CHST9: variants seen among roughly 807,000 people sequenced by gnomAD.
CHST9 encodes GalNAc-4-sulfotransferase 2.
CHST9 carries 41 observed loss-of-function variants against 44.4 expected under a neutral mutation model. That is an observed-to-expected ratio of 0.92 (90% CI 0.72 to 1.20). The LOEUF is 1.20. Among genes scored for constraint, CHST9 ranks in the 50% most tolerant of loss-of-function variants. The pLI, the probability that CHST9 is intolerant of heterozygous loss-of-function variation, is 0.00. For missense variants in CHST9, 504 were observed against 516.5 expected (o/e 0.98, Z 0.23); for synonymous variants, 171 against 178.4 (o/e 0.96, Z 0.33).
At chr18:27,056,217 C>A (rs1007216104) in intron 2 of CHST9, among the ~76,000 whole-genome samples, 1 of 151,894 alleles carries the variant, frequency 6.6e-6, no homozygotes, top group Non-Finnish European at 1.5e-5. Context: ...TATTTAGTAC[C>A]TACTATGAGT....
chr18:26,944,852 T>A (rs1361441978), intron 4 of CHST9, among the ~76,000 whole-genome samples: 1 of 152,206 alleles, frequency 6.6e-6, no homozygotes, highest in East Asian at 1.9e-4. Context: ...AATATTATAC[T>A]TTGTTGTTAT....
At chr18:26,985,415 A>G (rs1235891254) in intron 4 of CHST9, among the ~76,000 whole-genome samples, 1 of 152,230 alleles carries the variant, frequency 6.6e-6, no homozygotes, top group East Asian at 1.9e-4. Context: ...GACACTGAAC[A>G]GCAGGAAAAG....
intron 2 of CHST9, among the ~76,000 whole-genome samples, chr18:27,071,644 T>C (rs1419887984): frequency 6.6e-6 from 1 of 152,206 alleles, no homozygotes. Context: ...AAAACTTTGT[T>C]GTTTCTTTTG....
intron 4 of CHST9, among the ~76,000 whole-genome samples, chr18:26,979,938 T>C (rs1339364342): frequency 6.6e-6 from 1 of 152,220 alleles, no homozygotes; most frequent in Non-Finnish European, 1.5e-5. Context: ...GTTTTTAAAC[T>C]TAAGATTCAT....
chr18:27,069,256 T>C (rs1023751778), intron 2 of CHST9, among the ~76,000 whole-genome samples: 1 of 152,294 alleles, frequency 6.6e-6, no homozygotes, highest in Non-Finnish European at 1.5e-5. Context: ...TTTCTTATCA[T>C]CCTATAATAA....
intron 4 of CHST9, among the ~76,000 whole-genome samples, chr18:26,952,880 T>A (rs1325459149): frequency 6.6e-6 from 1 of 152,074 alleles, no homozygotes; most frequent in African/African-American, 2.4e-5. Context: ...TGAGAAGTGT[T>A]TTCATAGAGT....
At chr18:27,122,671 A>G (rs374376165) in intron 2 of CHST9, among the ~76,000 whole-genome samples, 1 of 152,228 alleles carries the variant, frequency 6.6e-6, no homozygotes, top group African/African-American at 2.4e-5. Flanking sequence ...GAGCTGAAAG[A>G]GTGAAGGAGA....
At position 26,917,251 on chromosome 18, in the gene CHST9, A is replaced by C; in HGVS notation, c.340T>G (p.Ser114Ala). 1 of 1,613,812 alleles carries C rather than the reference A, an allele frequency of 6.2e-7. No homozygotes were observed. The highest frequency in any genetic ancestry group is 8.5e-7 in the Non-Finnish European group (1 of 1,179,810). The change falls in exon 6 of 6, where the codon TCA becomes GCA. Residue 114 changes from serine to alanine, a missense_variant. Ser to Ala is a moderately conservative substitution (Grantham distance 99). Coordinates refer to ENST00000618847, the MANE Select transcript of CHST9 (RefSeq NM_031422.6). ...CTTAAAGCTTGATCCCCTCCTTGTG[A>C]ATGACTGGTCTTTGTTAAGAGCCTA... ...STRLLTKTSH[S>A]QGGDQALSKS... is the part of the protein sequence containing the mutation.
chr18:27,030,530 T>C (rs893522825), intron 3 of CHST9, among the ~76,000 whole-genome samples: 2 of 152,174 alleles, frequency 1.3e-5, no homozygotes, highest in African/African-American at 4.8e-5. Flanking sequence ...GCAAGATCAG[T>C]GTCTGAAATA....
At chr18:26,917,467 G>T in intron 5 of CHST9, 117 bp from the exon 6 acceptor site, 2 of 1,220,770 alleles carry the variant, frequency 1.6e-6, no homozygotes, top group Non-Finnish European at 2.3e-6. Context: ...TTTCATATAA[G>T]CTGCCAGAAC....
chr18:26,965,711 CCTCTT>C (rs2056456282), intron 4 of CHST9, among the ~76,000 whole-genome samples: 1 of 152,208 alleles, frequency 6.6e-6, no homozygotes, highest in Non-Finnish European at 1.5e-5. Context: ...TGTTCACTCT[CCTCTT>C]CACTCCTGCA....
chr18:27,084,097 T>C (rs1347218460), intron 2 of CHST9, among the ~76,000 whole-genome samples: 1 of 149,924 alleles, frequency 6.7e-6, no homozygotes, highest in Non-Finnish European at 1.5e-5. Context: ...TGGCCCAAAG[T>C]TGCTTTTTTT....
At chr18:26,939,084 C>CAA (rs2056043531) in intron 5 of CHST9, among the ~76,000 whole-genome samples, 1 of 152,154 alleles carries the variant, frequency 6.6e-6, no homozygotes, top group Non-Finnish European at 1.5e-5. Flanking sequence ...CAATCTCTTC[C>CAA]CTTTAGGGCA....
intron 2 of CHST9, among the ~76,000 whole-genome samples, chr18:27,085,034 T>C (rs920004636): frequency 2.0e-4 from 31 of 152,092 alleles, no homozygotes; most frequent in African/African-American, 7.5e-4. Flanking sequence ...TTGGTTCTTA[T>C]CTTATTGGGA....
intron 2 of CHST9, among the ~76,000 whole-genome samples, chr18:27,069,633 T>C (rs1045169354): frequency 4.6e-5 from 7 of 152,172 alleles, no homozygotes; most frequent in Non-Finnish European, 7.3e-5. Flanking sequence ...CTGAACATAC[T>C]CTGAAATATC....
At chr18:27,011,804 G>A (rs913094680) in intron 4 of CHST9, among the ~76,000 whole-genome samples, 6 of 152,182 alleles carry the variant, frequency 3.9e-5, no homozygotes, top group South Asian at 2.1e-4. Flanking sequence ...CTAGACTCAC[G>A]GCTTCTGCTT....
chr18:27,155,029 C>T (rs2058687646), intron 1 of CHST9, among the ~76,000 whole-genome samples: 1 of 148,870 alleles, frequency 6.7e-6, no homozygotes, highest in African/African-American at 2.5e-5. Context: ...TTGCAGTGAG[C>T]CAAGGTCACA....
At chr18:27,129,265 T>A (rs1446116370) in intron 2 of CHST9, among the ~76,000 whole-genome samples, 1 of 152,204 alleles carries the variant, frequency 6.6e-6, no homozygotes, top group Admixed American at 6.5e-5. Context: ...ATCCTTATTT[T>A]ATTTTCAAGT....
intron 3 of CHST9, among the ~76,000 whole-genome samples, chr18:27,029,122 G>T (rs1375997783): frequency 6.6e-6 from 1 of 152,032 alleles, no homozygotes; most frequent in African/African-American, 2.4e-5. Context: ...AGACCAGAAA[G>T]GGGGCTCAAG....
Sources: gnomAD v4.1 joint callset for allele counts (sites outside exome capture counted in the v4.1 genomes callset) on GRCh38, gnomAD v4.1.1 for gene constraint, MANE v1.5 for transcripts, NCBI Gene and HGNC (gene_info 2026-07-23, HGNC 2026-07-21) for gene names.